The following DDC variants were observed in gnomAD, a reference collection of about 807,000 sequenced individuals.
DDC encodes the protein aromatic-L-amino-acid decarboxylase.
In DDC, 43 loss-of-function variants were observed where a neutral mutation model predicts 60.0. The observed-to-expected ratio is 0.72, with a 90% CI of 0.56 to 0.92. The LOEUF is 0.92. Ranked by LOEUF, DDC falls within the 40% of genes least tolerant of loss-of-function variation. The pLI is 0.00. For synonymous variants in DDC, 232 were observed against 234.6 expected (o/e 0.99, Z 0.10); for missense variants, 573 against 620.2 (o/e 0.92, Z 0.81).
chr7:50,553,116 G>T (rs527790115), intron 1 of DDC, among the ~76,000 whole-genome samples: 28 of 152,374 alleles, frequency 1.8e-4, no homozygotes, highest in Middle Eastern at 3.4e-3. Context: ...GTGCATGTGA[G>T]GTAGTGGATT....
chr7:50,513,866 G>A (rs894374650), intron 6 of DDC, among the ~76,000 whole-genome samples: 8 of 150,766 alleles, frequency 5.3e-5, no homozygotes, highest in East Asian at 2.0e-4. Context: ...CCCCACCCCC[G>A]CCTGGTGGTC....
intron 13 of DDC, among the ~76,000 whole-genome samples, chr7:50,465,553 G>A (rs527675371): frequency 1.4e-4 from 21 of 152,292 alleles, no homozygotes; most frequent in African/African-American, 4.6e-4. Flanking sequence ...TGTATTTGTA[G>A]TAGAGACGAG....
intron 6 of DDC, among the ~76,000 whole-genome samples, chr7:50,510,993 A>C (rs891765401): frequency 2.0e-5 from 3 of 150,002 alleles, no homozygotes; most frequent in Non-Finnish European, 3.0e-5. Context: ...AAAAAAAAAA[A>C]AAAAAAAAAA....
rs1085307991 is a variant in DDC at position 50,544,015 on chromosome 7, A to G, written c.71T>C (p.Ile24Thr). 13 of 1,614,178 alleles carry G rather than the reference A, an allele frequency of 8.1e-6. No individual in the cohort carries two copies. The highest frequency in any genetic ancestry group is 1.1e-5 in the South Asian group (1 of 91,076). ...GTCAGGGTAGACCTGGCGTCCCTCA[A>G]TGCCTTCCATGTAGTTGGCCATGTA... ...VDYMANYMEGIEGRQVYPDVE... is the reference protein window; with the variant it reads ...VDYMANYMEGTEGRQVYPDVE... The change falls in exon 2 of 15, where the codon ATT becomes ACT. Residue 24 changes from isoleucine (I) to threonine (T), a missense_variant. Ile to Thr is a moderately conservative substitution (Grantham distance 89, BLOSUM62 -1). Coordinates refer to ENST00000444124, the MANE Select transcript of DDC (RefSeq NM_001082971.2).
intron 8 of DDC, 61 bp downstream of exon 8, chr7:50,499,087 G>A (rs967430238): frequency 3.1e-6 from 4 of 1,273,028 alleles, no homozygotes; most frequent in Non-Finnish European, 4.6e-6. Flanking sequence ...CCTCATGAAG[G>A]GAGAGGTCAA....
At chr7:50,509,270 A>G (rs866897402) in intron 6 of DDC, among the ~76,000 whole-genome samples, 2 of 152,220 alleles carry the variant, frequency 1.3e-5, no homozygotes, top group Admixed American at 6.5e-5. Context: ...GGCTTCTATC[A>G]GCAGAATGTT....
intron 1 of DDC, among the ~76,000 whole-genome samples, chr7:50,557,697 G>A (rs1421983728): frequency 2.0e-5 from 3 of 152,198 alleles, no homozygotes; most frequent in South Asian, 2.1e-4. Flanking sequence ...GGGCAGCACC[G>A]TCATGAGTAG....
chr7:50,499,037 G>T, intron 8 of DDC, 111 bp downstream of exon 8: 2 of 882,266 alleles, frequency 2.3e-6, no homozygotes, highest in Non-Finnish European at 3.8e-6. Context: ...AACATAATTG[G>T]CTGAAACAAA....
At chr7:50,528,375 A>T in intron 5 of DDC, 95 bp from the exon 6 acceptor site, 1 of 1,509,696 alleles carries the variant, frequency 6.6e-7, no homozygotes, top group Non-Finnish European at 9.2e-7. Context: ...CATTGCAAAC[A>T]CAAGGTCCCT....
intron 11 of DDC, among the ~76,000 whole-genome samples, chr7:50,472,395 C>T (rs1282690122): frequency 2.6e-5 from 4 of 152,152 alleles, no homozygotes; most frequent in South Asian, 2.1e-4. Context: ...TGATGCTTCC[C>T]GGACATCAAA....
At chr7:50,537,044 T>G (rs1417279360) in intron 4 of DDC, among the ~76,000 whole-genome samples, 1 of 151,886 alleles carries the variant, frequency 6.6e-6, no homozygotes, top group Non-Finnish European at 1.5e-5. Flanking sequence ...GTTGTTTTTT[T>G]TTTTTTTTTT....
intron 4 of DDC, among the ~76,000 whole-genome samples, chr7:50,536,021 G>A (rs2044396129): frequency 6.6e-6 from 1 of 152,172 alleles, no homozygotes; most frequent in Admixed American, 6.5e-5. Context: ...GTCAAGCTGG[G>A]AACTGCTTAG....
chr7:50,459,975 G>A (rs1236739579), intron 14 of DDC, among the ~76,000 whole-genome samples: 2 of 145,016 alleles, frequency 1.4e-5, no homozygotes, highest in African/African-American at 5.3e-5. Context: ...TCTGGGAGGT[G>A]AGGGGCGCCT....
At chr7:50,458,947 C>G (rs1412033024) in intron 14 of DDC, 104 bp from the exon 15 acceptor site, 4 of 150,604 alleles carry the variant, frequency 2.7e-5, no homozygotes, top group African/African-American at 9.9e-5. Context: ...CCTCTCCCCC[C>G]TCTCCCTCTC....
chr7:50,472,289 T>A (rs2042551092), intron 11 of DDC, among the ~76,000 whole-genome samples: 1 of 152,192 alleles, frequency 6.6e-6, no homozygotes, highest in Non-Finnish European at 1.5e-5. Flanking sequence ...GGAAGATTGT[T>A]GATGGACGTA....
rs113215119 is a variant in DDC, at chr7:50,518,703, C to T, written c.714+9434G>A. Among the ~76,000 whole-genome samples, 756 of 152,214 alleles carry T rather than the reference C, an allele frequency of 5.0e-3. 6 individuals are homozygous for T. Among genetic ancestry groups the T allele is most frequent in the African/African-American group, 0.016 (662 of 41,532 alleles). On this transcript the variant is annotated intron_variant, in intron 6 of 14. Transcript: ENST00000444124. ...CTAGCCACATGTAGGAGAATGAAAC[C>T]GCATCCTCATCTCTCACCTTATACA...
intron 14 of DDC, among the ~76,000 whole-genome samples, chr7:50,462,701 A>G (rs1410880129): frequency 6.6e-6 from 1 of 152,116 alleles, no homozygotes; most frequent in Non-Finnish European, 1.5e-5. Context: ...TCTAAGTTTT[A>G]AAAGAATTAT....
intron 8 of DDC, among the ~76,000 whole-genome samples, chr7:50,497,139 T>C (rs538000951): frequency 6.6e-6 from 1 of 152,248 alleles, no homozygotes; most frequent in Admixed American, 6.5e-5. Flanking sequence ...AAGGCTCTTA[T>C]CTCCAAGGGC....
At chr7:50,550,573 A>C (rs952178304) in intron 1 of DDC, among the ~76,000 whole-genome samples, 2 of 152,212 alleles carry the variant, frequency 1.3e-5, no homozygotes, top group Admixed American at 1.3e-4. Flanking sequence ...ACATGTGGCC[A>C]AGCTTGGTTT....
Sources: gnomAD v4.1 joint callset for allele counts (sites outside exome capture counted in the v4.1 genomes callset) on GRCh38, gnomAD v4.1.1 for gene constraint, MANE v1.5 for transcripts, NCBI Gene and HGNC (gene_info 2026-07-23, HGNC 2026-07-21) for gene names.